The following NFIA variants were observed in gnomAD, a reference collection of about 807,000 sequenced individuals.
NFIA encodes nuclear factor 1 A-type.
NFIA carries 8 observed loss-of-function variants against 62.8 expected under a neutral mutation model. The observed-to-expected ratio is 0.13, with a 90% CI of 0.07 to 0.23. The LOEUF (loss-of-function observed/expected upper bound fraction) is 0.23, where lower values mean the gene tolerates loss of function less well. Ranked by LOEUF, NFIA falls within the 10% of genes least tolerant of loss-of-function variation. The pLI is 1.00. For synonymous variants in NFIA, 235 were observed against 238.1 expected (o/e 0.99, Z 0.12); for missense variants, 410 against 642.1 (o/e 0.64, Z 3.91).
At chr1:61,118,162 G>T (rs556304266) in intron 2 of NFIA, among the ~76,000 whole-genome samples, 1 of 149,884 alleles carries the variant, frequency 6.7e-6, no homozygotes, top group Non-Finnish European at 1.5e-5. Context: ...TCCAGCCTGG[G>T]CAACAGAGTG....
intron 2 of NFIA, among the ~76,000 whole-genome samples, chr1:61,239,688 G>T (rs1247913511): frequency 6.6e-6 from 1 of 152,088 alleles, no homozygotes; most frequent in Non-Finnish European, 1.5e-5. Context: ...TTATAGAGGA[G>T]CAAATGCTAT....
intron 4 of NFIA, among the ~76,000 whole-genome samples, chr1:61,336,853 A>AGGTAT (rs1661637558): frequency 3.3e-5 from 5 of 152,198 alleles, no homozygotes; most frequent in Admixed American, 1.3e-4. Flanking sequence ...ATGACTACTT[A>AGGTAT]CATGGGCTGA....
chr1:61,235,696 C>G (rs1168901870), intron 2 of NFIA, among the ~76,000 whole-genome samples: 1 of 149,672 alleles, frequency 6.7e-6, no homozygotes, highest in Non-Finnish European at 1.5e-5. Context: ...ACCTGTGGTC[C>G]TAGCTACTTG....
rs533316096 is a variant in NFIA at position 61,280,351 on chromosome 1, A to G, written c.625+2766A>G. Among the ~76,000 whole-genome samples the G allele has an allele frequency of 5.3e-5, 8 of 152,336 alleles. No individual in the cohort carries two copies. In the East Asian group the frequency reaches 1.5e-3, roughly 29 times the overall value. On this transcript the variant is annotated intron_variant, in intron 3 of 10. Transcript: ENST00000403491. ...GGGAACTCTCATAGGTGTATCAACA[A>G]AGCTCTAAGAAATTTTGGAATCTTG...
At chr1:61,412,988 A>C (rs952640709) in intron 9 of NFIA, among the ~76,000 whole-genome samples, 1 of 152,218 alleles carries the variant, frequency 6.6e-6, no homozygotes, top group Admixed American at 6.5e-5. Flanking sequence ...TAATCTAGAG[A>C]TATAATAGAA....
chr1:61,081,482 T>G (rs1346810488), upstream of NFIA, among the ~76,000 whole-genome samples: 1 of 152,144 alleles, frequency 6.6e-6, no homozygotes. Flanking sequence ...CTATGTCCAG[T>G]TCTGGGCACG....
upstream of NFIA, among the ~76,000 whole-genome samples, chr1:61,081,109 C>A (rs765786846): frequency 5.3e-5 from 8 of 152,080 alleles, no homozygotes; most frequent in Admixed American, 2.0e-4. Flanking sequence ...TACCTCTTTC[C>A]TTTTGGAATT....
At chr1:61,333,036 C>A (rs1335497161) in intron 4 of NFIA, among the ~76,000 whole-genome samples, 1 of 147,004 alleles carries the variant, frequency 6.8e-6, no homozygotes, top group African/African-American at 2.6e-5. Flanking sequence ...ATGACATAAT[C>A]TAGCATGCAC....
At chr1:61,094,628 A>C (rs184888904) in intron 2 of NFIA, among the ~76,000 whole-genome samples, 1 of 152,298 alleles carries the variant, frequency 6.6e-6, no homozygotes, top group African/African-American at 2.4e-5. Context: ...GGCAGTTCAG[A>C]GTATTGTCAA....
rs529605153 is a variant in NFIA at position 61,206,472 on chromosome 1, T to G, written c.560-71048T>G. Among the ~76,000 whole-genome samples the G allele has an allele frequency of 3.9e-5, 6 of 152,324 alleles. No homozygotes were observed. The East Asian group carries it at 5.8e-4, about 15-fold the overall frequency. ...GTGTTGACTAGGGAAGAAAACTGAT[T>G]GAACTTCCATGGGCTTTAGACTGAA... is the stretch of plus-strand genomic sequence containing the variant. On this transcript the variant is annotated intron_variant, in intron 2 of 10. Coordinates refer to ENST00000403491, the MANE Select transcript of NFIA (RefSeq NM_001134673.4).
chr1:61,111,765 G>T (rs1478155024), intron 2 of NFIA, among the ~76,000 whole-genome samples: 1 of 152,028 alleles, frequency 6.6e-6, no homozygotes, highest in Non-Finnish European at 1.5e-5. Context: ...GTTAATGTCC[G>T]TTACTGCTAG....
intron 2 of NFIA, among the ~76,000 whole-genome samples, chr1:61,208,159 T>C (rs1050966528): frequency 9.2e-5 from 14 of 152,088 alleles, no homozygotes; most frequent in Admixed American, 7.2e-4. Flanking sequence ...GGTGAACCGT[T>C]CCCTATAACT....
chr1:61,358,263 C>G (rs1353168156), intron 5 of NFIA, among the ~76,000 whole-genome samples: 1 of 150,804 alleles, frequency 6.6e-6, no homozygotes, highest in African/African-American at 2.4e-5. Flanking sequence ...AGGACCTGGA[C>G]TAGCTGTGCA....
At chr1:61,354,026 T>G (rs9436209) in intron 5 of NFIA, among the ~76,000 whole-genome samples, 14,364 of 152,242 alleles carry the variant, frequency 0.094, 865 homozygotes, top group East Asian at 0.2. Context: ...ATGGGCTGTT[T>G]GTTTTTCATG....
upstream of NFIA, chr1:61,082,502 A>G: frequency 2.5e-6 from 3 of 1,195,496 alleles, no homozygotes; most frequent in Non-Finnish European, 3.1e-6. Context: ...AGGGTGCGCT[A>G]TGCCTTTAAC....
rs1438670969 is a variant in NFIA at position 61,204,720 on chromosome 1, T to C, written c.560-72800T>C. On this transcript the variant is annotated intron_variant, in intron 2 of 10. Transcript: ENST00000403491. ...TGAAGATAGTGAGGCTATCTGGAGA[T>C]TGGACATTGACCTTCACTATAGAAC... Among the ~76,000 whole-genome samples, 3 of 152,178 alleles carry C rather than the reference T, an allele frequency of 2.0e-5. No homozygotes were observed. The East Asian group carries it at 5.8e-4, about 29-fold the overall frequency.
chr1:61,334,868 C>G, intron 4 of NFIA, among the ~76,000 whole-genome samples: 1 of 152,104 alleles, frequency 6.6e-6, no homozygotes, highest in Non-Finnish European at 1.5e-5. Context: ...CCTCCTCCTT[C>G]CACTCCCTGT....
At chr1:61,310,592 A>G (rs1019045865) in intron 3 of NFIA, among the ~76,000 whole-genome samples, 2 of 152,188 alleles carry the variant, frequency 1.3e-5, no homozygotes, top group East Asian at 1.9e-4. Context: ...CCCAAATGCC[A>G]GTCACGTCCC....
chr1:61,228,211 C>A (rs1654451367), intron 2 of NFIA, among the ~76,000 whole-genome samples: 1 of 152,114 alleles, frequency 6.6e-6, no homozygotes, highest in Non-Finnish European at 1.5e-5. Flanking sequence ...AACATGTGAT[C>A]TGTATGTAAG....
Sources: gnomAD v4.1 joint callset for allele counts (sites outside exome capture counted in the v4.1 genomes callset) on GRCh38, gnomAD v4.1.1 for gene constraint, MANE v1.5 for transcripts, NCBI Gene and HGNC (gene_info 2026-07-23, HGNC 2026-07-21) for gene names.